OR56A5: variants seen among roughly 807,000 people sequenced by gnomAD.
OR56A5 encodes the protein olfactory receptor family 56 subfamily A member 5.
A neutral mutation model predicts 13.8 loss-of-function variants in OR56A5; 10 were observed. That is an observed-to-expected ratio of 0.73 (90% CI 0.45 to 1.23). The LOEUF is 1.23. Ranked by LOEUF, OR56A5 falls within the 50% of genes most tolerant of loss-of-function variation. The probability of loss-of-function intolerance (pLI) is 0.00; values close to 1 mark genes in which losing one functional copy is unlikely to be tolerated. For missense variants in OR56A5, 377 were observed against 370.9 expected, an observed-to-expected ratio of 1.02 and a Z score of -0.13; for synonymous variants, 156 against 150.8, an observed-to-expected ratio of 1.03 and a Z score of -0.25.
rs373559237 is a variant in OR56A5 at position 5,967,790 on chromosome 11, T to C, written c.705A>G (p.Gly235=). 3.8e-6 allele frequency: 6 copies of C among 1,582,574 alleles called. No individual in the cohort carries two copies. Among genetic ancestry groups the C allele is most frequent in the Non-Finnish European group, 5.2e-6 (6 of 1,162,738 alleles). ...LKTVLRIKGE[G]DMAKALGTCG... is the part of the protein sequence containing the mutation. ...AAGTACCTAGAGCTTTGGCCATATC[T>C]CCCTCACCCTTAATCCTTAGCACAG... Residue 235 remains glycine (G), a synonymous_variant, in exon 1 of 1, where the codon GGA becomes GGG. Transcript: ENST00000532411.
In OR56A5 at chr11:5,968,420, G is replaced by T; in HGVS notation, c.75C>A (p.Ser25Arg). ...GGGGCAGAGACAGCCAGTGCTGCCAGCTCTGGAAACTGGGGAAACAAATGA... is the reference window on the plus strand; with the variant it reads ...GGGGCAGAGACAGCCAGTGCTGCCATCTCTGGAAACTGGGGAAACAAATGA... ...FFLICFPSFQ[S>R]WQHWLSLPLS... Residue 25 changes from serine (S) to arginine (R), a missense_variant, in exon 1 of 1, where the codon AGC (serine) becomes AGA (arginine). Transcript: ENST00000532411. 3.7e-6 allele frequency: 6 copies of T among 1,606,936 alleles called. No individual in the cohort carries two copies. The highest frequency in any genetic ancestry group is 5.1e-6 in the Non-Finnish European group (6 of 1,176,176).
chr11:5,967,826 A>G lies in OR56A5; in HGVS notation c.669T>C (p.Phe223=). 6.4e-7 allele frequency: 1 copy of G among 1,566,028 alleles called. No individual in the cohort carries two copies. The highest frequency in any genetic ancestry group is 8.7e-7 in the Non-Finnish European group (1 of 1,154,038). The change falls in exon 1 of 1, where the codon TTT becomes TTC. Residue 223 remains phenylalanine (F), a synonymous_variant. Transcript: ENST00000532411. ...TAATCCTTAGCACAGTTTTCAAGAT[A>G]AAAAAGTAAGAGAGAACAATAAGGA... The part of the protein sequence containing the change: ...DLILIVLSYF[F]ILKTVLRIKG...
rs7114672 is a variant in OR56A5 at position 5,968,185 on chromosome 11, C to T, written c.310G>A (p.Val104Met). Residue 104 changes from valine (V) to methionine (M), a missense_variant, in exon 1 of 1, where the codon GTG becomes ATG. Physicochemically the swap from Val to Met is conservative, Grantham distance 21. Coordinates refer to ENST00000532411, the MANE Select transcript of OR56A5 (RefSeq NM_001146033.1). ...GTCAGAAAACTGTTCATGATGAACA[C>T]CTGAAGGAAGCAGGCAGGGAAGCTG... ...SISFPACFLQVFIMNSFLTME... is the reference protein window; with the variant it reads ...SISFPACFLQMFIMNSFLTME... 615,990 of 1,613,860 alleles carry T rather than the reference C, an allele frequency of 0.38. 122,003 individuals are homozygous for T. Among genetic ancestry groups the T allele is most frequent in the African/African-American group, 0.68 (51,052 of 74,964 alleles).
In OR56A5 at chr11:5,967,629, G is replaced by C; in HGVS notation, c.866C>G (p.Ala289Gly). ...LNILHHLIPP[A>G]LNPIVYGVRT... ...CACACCATAAACAATGGGGTTCAGA[G>C]CTGGGGGAATAAGGTGGTGCAGGAT... The change falls in exon 1 of 1, where the codon GCT (alanine) becomes GGT (glycine). Residue 289 changes from alanine (A) to glycine (G), a missense_variant. Physicochemically the swap from Ala to Gly is moderately conservative, Grantham distance 60. Transcript: ENST00000532411. 3 of 1,614,016 alleles carry C rather than the reference G, an allele frequency of 1.9e-6. No homozygotes were observed. The South Asian group carries it at 3.3e-5, about 18-fold the overall frequency.
chr11:5,967,736 G>A lies in OR56A5; in HGVS notation c.759C>T (p.Phe253=), dbSNP rs752605920. Residue 253 remains phenylalanine (F), a synonymous_variant, in exon 1 of 1, where the codon TTC becomes TTT. Coordinates refer to ENST00000532411, the MANE Select transcript of OR56A5 (RefSeq NM_001146033.1). ...TCGSHFILIL[F]FTTVLLVLVI... ...CCAGAACCAGCAGGACTGTGGTGAA[G>A]AAGAGGATGAGGATGAAGTGGGAAC... 6.2e-7 allele frequency: 1 copy of A among 1,610,526 alleles called. No individual in the cohort carries two copies. Among genetic ancestry groups the A allele is most frequent in the Non-Finnish European group, 8.5e-7 (1 of 1,178,344 alleles).
Position 5,968,131 on chromosome 11 carries a change from C to T in OR56A5, c.364G>A (p.Ala122Thr). The change falls in exon 1 of 1, where the codon GCC (alanine) becomes ACC (threonine). Residue 122 changes from alanine to threonine, a missense_variant. Transcript: ENST00000532411. The part of the protein sequence containing the change: ...TMESCTFMIM[A>T]YDRYVAICKP... ...CAGATGGCCACATAGCGGTCATAGG[C>T]CATGATCATGAATGTGCAGGACTCC... 6.2e-7 allele frequency: 1 copy of T among 1,614,144 alleles called. No individual in the cohort carries two copies. Among genetic ancestry groups the T allele is most frequent in the African/African-American group, 1.3e-5 (1 of 75,032 alleles).
At position 5,968,121 on chromosome 11, in the gene OR56A5, C is replaced by A; in HGVS notation, c.374G>T (p.Arg125Leu). The change falls in exon 1 of 1, where the codon CGC becomes CTC. Residue 125 changes from arginine (R) to leucine (L), a missense_variant. Arg to Leu is a moderately radical substitution (Grantham distance 102). Transcript: ENST00000532411. Reference protein sequence around the residue: ...SCTFMIMAYDRYVAICKPLQY... With the variant: ...SCTFMIMAYDLYVAICKPLQY... ...TAGGGGCTTGCAGATGGCCACATAG[C>A]GGTCATAGGCCATGATCATGAATGT... The A allele has an allele frequency of 6.2e-7, 1 of 1,613,986 alleles. No homozygotes were observed. Among genetic ancestry groups the A allele is most frequent in the Non-Finnish European group, 8.5e-7 (1 of 1,179,942 alleles).
rs779414885 is a variant in OR56A5, at chr11:5,968,354, G to A, written c.141C>T (p.Thr47=). 13 of 1,613,764 alleles carry A rather than the reference G, an allele frequency of 8.1e-6. No individual in the cohort carries two copies. Among genetic ancestry groups the A allele is most frequent in the South Asian group, 2.2e-5 (2 of 91,016 alleles). ...LFLLAMGANA[T]LLITIYLEAS... ...CTTCCAGATAGATGGTGATCAGAAG[G>A]GTGGCATTGGCCCCCATGGCCAGGA... The change falls in exon 1 of 1, where the codon ACC becomes ACT. Residue 47 remains threonine (T), a synonymous_variant. Transcript: ENST00000532411.
rs1436508685 is a variant in OR56A5 at position 5,967,835 on chromosome 11, A to G, written c.660T>C (p.Ser220=). The change falls in exon 1 of 1, where the codon TCT becomes TCC. Residue 220 remains serine, a synonymous_variant. Coordinates refer to ENST00000532411, the MANE Select transcript of OR56A5 (RefSeq NM_001146033.1). ...GCACAGTTTTCAAGATAAAAAAGTA[A>G]GAGAGAACAATAAGGATGAGGTCAG... ...LGSDLILIVL[S]YFFILKTVLR... 3.2e-6 allele frequency: 5 copies of G among 1,565,284 alleles called. No individual in the cohort carries two copies. In the Admixed American group the frequency reaches 7.7e-5, roughly 24 times the overall value.
rs140719976 is a variant in OR56A5, at chr11:5,967,962, T to C, written c.533A>G (p.Lys178Arg). ...RLRYCAGHII[K>R]NCICTNVSVS... Reference sequence around the variant, plus strand: ...AGACACGTTAGTACAGATGCAGTTCTTGATGATGTGTCCTGCACAGTATCT... The same window carrying C: ...AGACACGTTAGTACAGATGCAGTTCCTGATGATGTGTCCTGCACAGTATCT... The change falls in exon 1 of 1, where the codon AAG becomes AGG. Residue 178 changes from lysine to arginine, a missense_variant. Physicochemically the swap from Lys to Arg is conservative, Grantham distance 26. Coordinates refer to ENST00000532411, the MANE Select transcript of OR56A5 (RefSeq NM_001146033.1). The C allele has an allele frequency of 7.5e-6, 12 of 1,593,960 alleles. No homozygotes were observed. In the African/African-American group the frequency reaches 1.3e-4, roughly 18 times the overall value.
chr11:5,967,591 T>C lies in OR56A5; in HGVS notation c.904A>G (p.Ile302Val). The C allele has an allele frequency of 6.2e-7, 1 of 1,607,568 alleles. No individual in the cohort carries two copies. Reference protein sequence around the residue: ...PIVYGVRTKEIKQGIQNLLRR... With the variant: ...PIVYGVRTKEVKQGIQNLLRR... ...AGCAGGTTCTGGATTCCCTGCTTGA[T>C]CTCCTTGGTTCTCACACCATAAACA... Residue 302 changes from isoleucine to valine, a missense_variant, in exon 1 of 1, where the codon ATC (isoleucine) becomes GTC (valine). Physicochemically the swap from Ile to Val is conservative, Grantham distance 29 (BLOSUM62 3). Transcript: ENST00000532411.
rs1309902544 is a variant in OR56A5 at position 5,967,774 on chromosome 11, G to C, written c.721C>G (p.Leu241Val). Residue 241 changes from leucine to valine, a missense_variant, in exon 1 of 1, where the codon CTA (leucine) becomes GTA (valine). By Grantham distance (32) the Leu-to-Val change is conservative. Transcript: ENST00000532411. ...IKGEGDMAKALGTCGSHFILI... is the reference protein window; with the variant it reads ...IKGEGDMAKAVGTCGSHFILI... Reference sequence around the variant, plus strand: ...ATGAAGTGGGAACCACAAGTACCTAGAGCTTTGGCCATATCTCCCTCACCC... The same window carrying C: ...ATGAAGTGGGAACCACAAGTACCTACAGCTTTGGCCATATCTCCCTCACCC... The C allele has an allele frequency of 1.3e-6, 2 of 1,593,526 alleles. No individual in the cohort carries two copies. The highest frequency in any genetic ancestry group is 1.3e-5 in the African/African-American group (1 of 74,728).
At position 5,967,628 on chromosome 11, in the gene OR56A5, A is replaced by T. The variant is rs763564644; in HGVS notation, c.867T>A (p.Ala289=). The change falls in exon 1 of 1, where the codon GCT becomes GCA. Residue 289 remains alanine, a synonymous_variant. Transcript: ENST00000532411. ...TCACACCATAAACAATGGGGTTCAG[A>T]GCTGGGGGAATAAGGTGGTGCAGGA... ...LNILHHLIPP[A]LNPIVYGVRT... 5 of 1,613,928 alleles carry T rather than the reference A, an allele frequency of 3.1e-6. No homozygotes were observed. Among genetic ancestry groups the T allele is most frequent in the Non-Finnish European group, 3.4e-6 (4 of 1,179,962 alleles).
In OR56A5 at chr11:5,968,024, A is replaced by G; in HGVS notation, c.471T>C (p.Leu157=). ...AAAGTATGGGGATAGGCATAGTAAG[A>G]AGGCCATTCCTGGCCACAACAAAGA... ...AAIFVVARNG[L]LTMPIPILSS... The change falls in exon 1 of 1, where the codon CTT becomes CTC. Residue 157 remains leucine, a synonymous_variant. Transcript: ENST00000532411. 1 of 1,598,292 alleles carries G rather than the reference A, an allele frequency of 6.3e-7. No individual in the cohort carries two copies. The highest frequency in any genetic ancestry group is 8.5e-7 in the Non-Finnish European group (1 of 1,171,334).
Position 5,968,405 on chromosome 11 carries a change from C to G in OR56A5, c.90G>C (p.Leu30=). The change falls in exon 1 of 1, where the codon CTG becomes CTC. Residue 30 remains leucine (L), a synonymous_variant. Coordinates refer to ENST00000532411, the MANE Select transcript of OR56A5 (RefSeq NM_001146033.1). Reference sequence around the variant, plus strand: ...GGAAGAGGAGGCTGAGGGGCAGAGACAGCCAGTGCTGCCAGCTCTGGAAAC... The same window carrying G: ...GGAAGAGGAGGCTGAGGGGCAGAGAGAGCCAGTGCTGCCAGCTCTGGAAAC... ...FPSFQSWQHW[L]SLPLSLLFLL... is the part of the protein sequence containing the mutation. 1 of 1,611,434 alleles carries G rather than the reference C, an allele frequency of 6.2e-7. No individual in the cohort carries two copies. Among genetic ancestry groups the G allele is most frequent in the Non-Finnish European group, 8.5e-7 (1 of 1,178,580 alleles).
chr11:5,968,429 A>T lies in OR56A5; in HGVS notation c.66T>A (p.Ser22Arg), dbSNP rs1450004822. The change falls in exon 1 of 1, where the codon AGT becomes AGA. Residue 22 changes from serine (S) to arginine (R), a missense_variant. Physicochemically the swap from Ser to Arg is moderately radical, Grantham distance 110 (BLOSUM62 -1). Coordinates refer to ENST00000532411, the MANE Select transcript of OR56A5 (RefSeq NM_001146033.1). ...VFEFFLICFP[S>R]FQSWQHWLSL... ...ACAGCCAGTGCTGCCAGCTCTGGAAACTGGGGAAACAAATGAGGAAGAATT... is the reference window on the plus strand; with the variant it reads ...ACAGCCAGTGCTGCCAGCTCTGGAATCTGGGGAAACAAATGAGGAAGAATT... 1.3e-6 allele frequency: 2 copies of T among 1,599,188 alleles called. No homozygotes were observed. The highest frequency in any genetic ancestry group is 1.7e-6 in the Non-Finnish European group (2 of 1,172,156).
rs1174229591 is a variant in OR56A5 at position 5,967,778 on chromosome 11, T to C, written c.717A>G (p.Lys239=). ...AGTGGGAACCACAAGTACCTAGAGCTTTGGCCATATCTCCCTCACCCTTAA... is the reference window on the plus strand; with the variant it reads ...AGTGGGAACCACAAGTACCTAGAGCCTTGGCCATATCTCCCTCACCCTTAA... ...LRIKGEGDMA[K]ALGTCGSHFI... is the part of the protein sequence containing the mutation. Residue 239 remains lysine (K), a synonymous_variant, in exon 1 of 1, where the codon AAA becomes AAG. Coordinates refer to ENST00000532411, the MANE Select transcript of OR56A5 (RefSeq NM_001146033.1). 1.9e-6 allele frequency: 3 copies of C among 1,590,102 alleles called. No homozygotes were observed. Among genetic ancestry groups the C allele is most frequent in the South Asian group, 2.3e-5 (2 of 87,718 alleles).
At position 5,968,474 on chromosome 11, in the gene OR56A5, G is replaced by A; in HGVS notation, c.21C>T (p.Asn7=). MTLPSN[N]STSPVFEFFL... ...AGAATTCAAAGACTGGGGAAGTGGA[G>A]TTGTTGCTGGGTAATGTCATGAAAT... is the stretch of plus-strand genomic sequence containing the variant. The change falls in exon 1 of 1, where the codon AAC becomes AAT. Residue 7 remains asparagine, a synonymous_variant. Coordinates refer to ENST00000532411, the MANE Select transcript of OR56A5 (RefSeq NM_001146033.1). 6.4e-7 allele frequency: 1 copy of A among 1,555,718 alleles called. No homozygotes were observed. Among genetic ancestry groups the A allele is most frequent in the Non-Finnish European group, 8.7e-7 (1 of 1,149,060 alleles).
In OR56A5 at chr11:5,967,799, C is replaced by G; in HGVS notation, c.696G>C (p.Lys232Asn). The change falls in exon 1 of 1, where the codon AAG (lysine) becomes AAC (asparagine). Residue 232 changes from lysine to asparagine, a missense_variant. Physicochemically the swap from Lys to Asn is moderately conservative, Grantham distance 94. Coordinates refer to ENST00000532411, the MANE Select transcript of OR56A5 (RefSeq NM_001146033.1). The part of the protein sequence containing the change: ...FFILKTVLRI[K>N]GEGDMAKALG... ...GAGCTTTGGCCATATCTCCCTCACC[C>G]TTAATCCTTAGCACAGTTTTCAAGA... 1 of 1,576,456 alleles carries G rather than the reference C, an allele frequency of 6.3e-7. No individual in the cohort carries two copies. Among genetic ancestry groups the G allele is most frequent in the East Asian group, 2.3e-5 (1 of 43,744 alleles).
Sources: gnomAD v4.1 joint callset for allele counts on GRCh38, gnomAD v4.1.1 for gene constraint, MANE v1.5 for transcripts, NCBI Gene and HGNC (gene_info 2026-07-23, HGNC 2026-07-21) for gene names.